The following SCAP variants were observed in gnomAD, a reference collection of about 807,000 sequenced individuals.
SCAP encodes the protein SREBF chaperone.
In SCAP, 65 loss-of-function variants were observed where a neutral mutation model predicts 123.6. That is an observed-to-expected ratio of 0.53 (90% CI 0.43 to 0.65). The LOEUF is 0.65. Among genes scored for constraint, SCAP ranks in the 30% least tolerant of loss-of-function variants. The probability of loss-of-function intolerance (pLI) is 0.00; values close to 1 mark genes in which losing one functional copy is unlikely to be tolerated. For synonymous variants in SCAP, 740 were observed against 726.3 expected (o/e 1.02, Z -0.30); for missense variants, 1,398 against 1,712.5 (o/e 0.82, Z 3.24).
At chr3:47,463,268 C>T (rs1707711683) in intron 1 of SCAP, among the ~76,000 whole-genome samples, 1 of 152,180 alleles carries the variant, frequency 6.6e-6, no homozygotes, top group Non-Finnish European at 1.5e-5. Context: ...CCCAACCTGA[C>T]CAACAATCAT....
rs777821770 is a variant in SCAP, at chr3:47,427,678, G to C, written c.411-11C>G. On this transcript the variant is annotated splice_polypyrimidine_tract_variant and intron_variant, in intron 4 of 22. Coordinates refer to ENST00000265565, the MANE Select transcript of SCAP (RefSeq NM_012235.4). ...CTCCTGATCCCAGAGCTGCACAGGA[G>C]ACAGGACAAGGCACCTGCTGTGTCT... 6.2e-7 allele frequency: 1 copy of C among 1,612,052 alleles called. No homozygotes were observed. Among genetic ancestry groups the C allele is most frequent in the South Asian group, 1.1e-5 (1 of 90,912 alleles).
At chr3:47,459,726 A>T (rs576593088) in intron 1 of SCAP, among the ~76,000 whole-genome samples, 14 of 152,200 alleles carry the variant, frequency 9.2e-5, no homozygotes, top group Non-Finnish European at 1.9e-4. Flanking sequence ...GCAAATTCAG[A>T]ACTACTGATA....
In SCAP at chr3:47,417,863, G is replaced by T; in HGVS notation, c.2448-37C>A. On this transcript the variant is annotated intron_variant, in intron 16 of 22. Coordinates refer to ENST00000265565, the MANE Select transcript of SCAP (RefSeq NM_012235.4). ...GAGGGCGGAGTGAGAGGGGGCACGG[G>T]GGAGGGGGGTGAGAGGGGGCGGGGG... 3 of 1,097,738 alleles carry T rather than the reference G, an allele frequency of 2.7e-6. No homozygotes were observed. In the South Asian group the frequency reaches 4.4e-5, roughly 16 times the overall value. The allele number at this position is 1,097,738 out of a possible 1,614,324, so 68.0% of individuals were successfully genotyped here.
At chr3:47,444,914 G>GA (rs1706969757) in intron 1 of SCAP, among the ~76,000 whole-genome samples, 1 of 151,594 alleles carries the variant, frequency 6.6e-6, no homozygotes, top group Non-Finnish European at 1.5e-5. Flanking sequence ...TGGGATTACA[G>GA]GTGCCCGCCA....
chr3:47,471,570 CAT>C (rs1270694823), intron 1 of SCAP, among the ~76,000 whole-genome samples: 1 of 152,076 alleles, frequency 6.6e-6, no homozygotes, highest in African/African-American at 2.4e-5. Flanking sequence ...GGGTTTCACA[CAT>C]GTTGGTCAGG....
chr3:47,473,912 T>C (rs1245165888), intron 1 of SCAP, among the ~76,000 whole-genome samples: 1 of 152,138 alleles, frequency 6.6e-6, no homozygotes, highest in Non-Finnish European at 1.5e-5. Context: ...AACCAGTGAT[T>C]ATAAAGTCCA....
intron 1 of SCAP, among the ~76,000 whole-genome samples, chr3:47,473,080 CAAAAAAAAAAA>C (rs34472664): frequency 1.1e-4 from 4 of 38,060 alleles, no homozygotes; most frequent in Non-Finnish European, 1.7e-4. Context: ...AACTCCATCT[CAAAAAAAAAAA>C]AAAAAAAACA....
At chr3:47,418,597 T>G (rs1158978297) in intron 14 of SCAP, 58 bp downstream of exon 14, 16 of 1,548,940 alleles carry the variant, frequency 1.0e-5, no homozygotes, top group Non-Finnish European at 1.3e-5. Flanking sequence ...CCCCTACTCT[T>G]GCCTACCCGT....
chr3:47,464,726 T>C (rs1330294210), intron 1 of SCAP, among the ~76,000 whole-genome samples: 4 of 152,190 alleles, frequency 2.6e-5, no homozygotes, highest in Non-Finnish European at 5.9e-5. Context: ...TTCTATTTAA[T>C]CCAGTACTGA....
chr3:47,416,980 A>T lies in SCAP; in HGVS notation c.3056+142T>A, dbSNP rs540197029. Reference sequence around the variant, plus strand: ...CATCCAAGTGGACTGCCCTCTGCTCACAGGTGTGGAGCTGGGCACCAAGAA... The same window carrying T: ...CATCCAAGTGGACTGCCCTCTGCTCTCAGGTGTGGAGCTGGGCACCAAGAA... On this transcript the variant is annotated intron_variant, in intron 18 of 22. Coordinates refer to ENST00000265565, the MANE Select transcript of SCAP (RefSeq NM_012235.4). The T allele has an allele frequency of 3.7e-5, 27 of 724,832 alleles. No individual in the cohort carries two copies. In the African/African-American group the frequency reaches 4.6e-4, roughly 12 times the overall value. 44.9% of individuals were successfully genotyped at this position (724,832 alleles called of 1,614,324 possible). A position where few individuals can be genotyped will look rare whatever the true frequency, so the allele number is the denominator to read the frequency against.
At chr3:47,450,765 G>C (rs1173231342) in intron 1 of SCAP, among the ~76,000 whole-genome samples, 1 of 124,072 alleles carries the variant, frequency 8.1e-6, no homozygotes, top group East Asian at 2.9e-4. Context: ...TTCCCAAACT[G>C]ATTATAGGTG....
intron 1 of SCAP, among the ~76,000 whole-genome samples, chr3:47,455,465 C>T (rs1421762017): frequency 4.6e-5 from 7 of 151,564 alleles, no homozygotes; most frequent in Non-Finnish European, 7.4e-5. Flanking sequence ...CATTGTGGCA[C>T]GTTCCTGTAA....
Position 47,413,823 on chromosome 3 carries a change from A to G in SCAP, c.*31T>C. On this transcript the variant is annotated 3_prime_UTR_variant, in exon 23 of 23. Coordinates refer to ENST00000265565, the MANE Select transcript of SCAP (RefSeq NM_012235.4). ...TGCATTGGCCCCCACACAGCACCCCAGCCTCCTGCCTGGGCAAGGAGGCCC... is the reference window on the plus strand; with the variant it reads ...TGCATTGGCCCCCACACAGCACCCCGGCCTCCTGCCTGGGCAAGGAGGCCC... The G allele has an allele frequency of 6.2e-7, 1 of 1,602,076 alleles. No homozygotes were observed. The highest frequency in any genetic ancestry group is 8.5e-7 in the Non-Finnish European group (1 of 1,173,270).
At chr3:47,458,148 C>T (rs1045902131) in intron 1 of SCAP, among the ~76,000 whole-genome samples, 11 of 151,532 alleles carry the variant, frequency 7.3e-5, no homozygotes, top group African/African-American at 2.4e-4. Flanking sequence ...ATTAGCAGGG[C>T]GTGGCCAGGC....
intron 16 of SCAP, 128 bp downstream of exon 16, chr3:47,418,006 G>A: frequency 1.7e-6 from 1 of 579,900 alleles, no homozygotes; most frequent in Non-Finnish European, 3.0e-6. Flanking sequence ...TGCGGGGGTG[G>A]GGGGAGAGGG....
chr3:47,466,859 G>A (rs551621824), intron 1 of SCAP, among the ~76,000 whole-genome samples: 70 of 152,216 alleles, frequency 4.6e-4, no homozygotes, highest in Non-Finnish European at 7.6e-4. Context: ...CAAGGCAAGC[G>A]GACTGCTTGA....
At position 47,439,180 on chromosome 3, in the gene SCAP, G is replaced by A. The variant is rs1359086956; in HGVS notation, c.122+3692C>T. 6.6e-6 allele frequency among the ~76,000 whole-genome samples: 1 copy of A among 152,050 alleles called. No homozygotes were observed. Among genetic ancestry groups the A allele is most frequent in the Non-Finnish European group, 1.5e-5 (1 of 68,008 alleles). Reference sequence around the variant, plus strand: ...TCCCAGGACTTTGGGAGGCTGAAGTGGGCAGGTTACTTGAGGTCAGGAGTT... The same window carrying A: ...TCCCAGGACTTTGGGAGGCTGAAGTAGGCAGGTTACTTGAGGTCAGGAGTT... On this transcript the variant is annotated intron_variant, in intron 2 of 22. Coordinates refer to ENST00000265565, the MANE Select transcript of SCAP (RefSeq NM_012235.4). This position sits in a 1 kb window ranked among gnomAD's most constrained non-coding sequence, Gnocchi z 4.0.
chr3:47,428,011 C>T (rs1706214049), intron 4 of SCAP, among the ~76,000 whole-genome samples: 1 of 152,148 alleles, frequency 6.6e-6, no homozygotes, highest in Non-Finnish European at 1.5e-5. Flanking sequence ...TCATTTAGTT[C>T]ACCAAAATAT....
intron 1 of SCAP, among the ~76,000 whole-genome samples, chr3:47,451,122 G>A (rs1280258813): frequency 8.2e-6 from 1 of 122,382 alleles, no homozygotes; most frequent in African/African-American, 2.8e-5. Context: ...CAAAGTGTTG[G>A]GATTACAGAC....
Sources: allele counts gnomAD v4.1 joint callset (sites outside exome capture counted in the v4.1 genomes callset), GRCh38; gene constraint gnomAD v4.1.1; non-coding constraint Gnocchi (gnomAD v3.1); transcripts MANE v1.5; gene names NCBI Gene and HGNC (gene_info 2026-07-23, HGNC 2026-07-21).